Variants in SCFD2 observed in about 807,000 individuals in gnomAD.
The protein encoded by SCFD2 is sec1 family domain-containing protein 2.
Under a neutral mutation model 58.9 loss-of-function variants are expected in SCFD2, and 54 were observed. That is an observed-to-expected ratio of 0.92 (90% CI 0.74 to 1.15). SCFD2 has a LOEUF of 1.15. Ranked by LOEUF, SCFD2 falls within the 50% of genes most tolerant of loss-of-function variation. The pLI is 0.00. For missense variants in SCFD2, 805 were observed against 836.6 expected (o/e 0.96, Z 0.47); for synonymous variants, 321 against 335.9 (o/e 0.96, Z 0.49).
At chr4:53,307,833 C>G (rs1217770683) in intron 3 of SCFD2, among the ~76,000 whole-genome samples, 1 of 152,138 alleles carries the variant, frequency 6.6e-6, no homozygotes, top group Non-Finnish European at 1.5e-5. Context: ...ACAGGAAAAA[C>G]TTGCCACTGC....
chr4:53,096,593 C>G (rs1724643856), intron 5 of SCFD2, among the ~76,000 whole-genome samples: 1 of 152,070 alleles, frequency 6.6e-6, no homozygotes, highest in African/African-American at 2.4e-5. Context: ...TGTTTGAGTT[C>G]TTTGTAGATT....
chr4:53,252,010 T>G (rs1239302399), intron 4 of SCFD2, among the ~76,000 whole-genome samples: 1 of 152,162 alleles, frequency 6.6e-6, no homozygotes, highest in Non-Finnish European at 1.5e-5. Flanking sequence ...AAAATCTCCT[T>G]CAGCTGATAG....
At chr4:53,352,829 T>A in intron 1 of SCFD2, 63 bp from the exon 2 acceptor site, 2 of 1,372,030 alleles carry the variant, frequency 1.5e-6, no homozygotes, top group East Asian at 4.6e-5. Flanking sequence ...GTTGGATAAA[T>A]GTTTTATCAC....
intron 5 of SCFD2, among the ~76,000 whole-genome samples, chr4:53,131,300 T>G (rs1288384734): frequency 6.6e-6 from 1 of 152,188 alleles, no homozygotes; most frequent in East Asian, 1.9e-4. Context: ...TCGGTGGGTA[T>G]GCAACGAGTC....
intron 5 of SCFD2, among the ~76,000 whole-genome samples, chr4:53,108,270 G>C (rs1222756778): frequency 6.6e-6 from 1 of 152,138 alleles, no homozygotes; most frequent in Non-Finnish European, 1.5e-5. Flanking sequence ...GGAGAAAGTA[G>C]GAAAGATGTA....
At chr4:53,224,506 C>T (rs1253836382) in intron 4 of SCFD2, among the ~76,000 whole-genome samples, 3 of 152,314 alleles carry the variant, frequency 2.0e-5, no homozygotes, top group Non-Finnish European at 2.9e-5. Context: ...GATGGAGAGG[C>T]CATGCGTAGG....
chr4:53,215,342 G>C (rs1473680411), intron 4 of SCFD2, among the ~76,000 whole-genome samples: 1 of 152,110 alleles, frequency 6.6e-6, no homozygotes, highest in Non-Finnish European at 1.5e-5. Flanking sequence ...GCAGTGGTTT[G>C]TAGTTCTCCT....
At chr4:53,244,554 A>G (rs9997095) in intron 4 of SCFD2, among the ~76,000 whole-genome samples, 14,406 of 152,190 alleles carry the variant, frequency 0.095, 1,014 homozygotes, top group African/African-American at 0.18. Flanking sequence ...ATGAGAATAA[A>G]GATACAACAT....
Position 52,899,052 on chromosome 4 carries a change from T to C in SCFD2, c.1842+8405A>G, listed in dbSNP as rs1039466765. On this transcript the variant is annotated intron_variant, in intron 7 of 8. Transcript: ENST00000401642. ...TTGAGCCTATGTGTGTCTCTGCATG[T>C]GAGATGGGTTTCCTGAATACAGCAC... 3.3e-5 allele frequency among the ~76,000 whole-genome samples: 5 copies of C among 152,312 alleles called. No homozygotes were observed. In the South Asian group the frequency reaches 1.0e-3, roughly 32 times the overall value.
intron 7 of SCFD2, among the ~76,000 whole-genome samples, chr4:52,895,545 C>T (rs568736317): frequency 1.9e-4 from 29 of 152,242 alleles, no homozygotes; most frequent in South Asian, 1.9e-3. Flanking sequence ...TGTATATGTG[C>T]CACATTTGCT....
intron 4 of SCFD2, among the ~76,000 whole-genome samples, chr4:53,253,863 C>A: frequency 7.1e-6 from 1 of 140,028 alleles, no homozygotes; most frequent in African/African-American, 2.7e-5. Context: ...ACATTGTGCA[C>A]ATGTACCCTA....
chr4:52,978,920 C>T (rs1721310677), intron 5 of SCFD2, among the ~76,000 whole-genome samples: 1 of 151,974 alleles, frequency 6.6e-6, no homozygotes, highest in South Asian at 2.1e-4. Context: ...ACCTGTTGGA[C>T]TGGGTTTGTT....
chr4:53,041,947 T>C (rs1187069900), intron 5 of SCFD2, among the ~76,000 whole-genome samples: 1 of 152,132 alleles, frequency 6.6e-6, no homozygotes, highest in Non-Finnish European at 1.5e-5. Context: ...GCATAAATGT[T>C]CCACTTTGTT....
intron 5 of SCFD2, among the ~76,000 whole-genome samples, chr4:53,114,158 A>C (rs1213494442): frequency 6.6e-6 from 1 of 152,144 alleles, no homozygotes; most frequent in Non-Finnish European, 1.5e-5. Flanking sequence ...GACTGTCATG[A>C]GGATTAAATG....
intron 5 of SCFD2, among the ~76,000 whole-genome samples, chr4:52,996,032 G>A (rs1472087458): frequency 6.6e-6 from 1 of 152,196 alleles, no homozygotes; most frequent in Non-Finnish European, 1.5e-5. Flanking sequence ...TTAAACAAAT[G>A]ACTGAAATCT....
Position 53,365,240 on chromosome 4 carries a change from CT to C in SCFD2, c.701del (p.Glu234GlyfsTer6). 1 of 1,614,206 alleles carries C rather than the reference CT, an allele frequency of 6.2e-7. No individual in the cohort carries two copies. The highest frequency in any genetic ancestry group is 8.5e-7 in the Non-Finnish European group (1 of 1,180,036). ...SSLCEHLGVR[E>X]ECFAVGSLSQ... ...TTAAGGAACCTACAGCAAAACACTC[CT>C]CCCGTACTCCTAAATGTTCACACAG... On this transcript the variant is annotated frameshift_variant, in exon 1 of 9. Coordinates refer to ENST00000401642, the MANE Select transcript of SCFD2 (RefSeq NM_152540.4). LOFTEE classifies it high-confidence loss of function. The surrounding 1 kb of genome is among the most constrained non-coding windows in gnomAD (Gnocchi z 4.3).
intron 4 of SCFD2, among the ~76,000 whole-genome samples, chr4:53,200,440 A>G (rs1728193937): frequency 6.6e-6 from 1 of 152,132 alleles, no homozygotes; most frequent in Non-Finnish European, 1.5e-5. Context: ...GAACTATTAA[A>G]GTAGATTTCA....
At chr4:53,205,334 G>T (rs1228559842) in intron 4 of SCFD2, among the ~76,000 whole-genome samples, 2 of 151,990 alleles carry the variant, frequency 1.3e-5, no homozygotes, top group Non-Finnish European at 2.9e-5. Context: ...AATAAAGGAA[G>T]TAAACCAGGA....
chr4:53,134,484 AG>A (rs1367411460), intron 5 of SCFD2, among the ~76,000 whole-genome samples: 12 of 152,356 alleles, frequency 7.9e-5, no homozygotes, highest in African/African-American at 2.9e-4. Flanking sequence ...AATTTAGAGA[AG>A]AACTAAAATC....
Sources: gnomAD v4.1 joint callset for allele counts (sites outside exome capture counted in the v4.1 genomes callset) on GRCh38, gnomAD v4.1.1 for gene constraint, Gnocchi (gnomAD v3.1) non-coding constraint, MANE v1.5 for transcripts, NCBI Gene and HGNC (gene_info 2026-07-23, HGNC 2026-07-21) for gene names.